Variants in IPCEF1 observed in about 807,000 individuals in gnomAD.
The protein encoded by IPCEF1 is interactor protein for cytohesin exchange factors 1.
IPCEF1 carries 31 observed loss-of-function variants against 50.9 expected under a neutral mutation model. The ratio of observed to expected loss-of-function variants is 0.61; its 90% CI spans 0.46 to 0.82. IPCEF1 has a LOEUF of 0.82. IPCEF1 is among the 40% of genes least tolerant of loss of function. IPCEF1 has a pLI of 0.00. For missense variants in IPCEF1, 458 were observed against 514.0 expected, an observed-to-expected ratio of 0.89 and a Z score of 1.05; for synonymous variants, 181 against 192.0, an observed-to-expected ratio of 0.94 and a Z score of 0.47.
intron 2 of IPCEF1, among the ~76,000 whole-genome samples, chr6:154,280,978 T>C (rs1336857099): frequency 6.6e-6 from 1 of 152,002 alleles, no homozygotes. Context: ...AGCGGAATGA[T>C]TGTTTGAGGC....
In IPCEF1 at chr6:154,265,709, A is replaced by G. The variant is rs904507915; in HGVS notation, c.36+203T>C. Among the ~76,000 whole-genome samples the G allele has an allele frequency of 3.3e-5, 5 of 152,308 alleles. 1 individual carries two copies. The highest frequency in any genetic ancestry group is 1.3e-4 in the Admixed American group (2 of 15,298). On this transcript the variant is annotated intron_variant, in intron 3 of 11. Coordinates refer to ENST00000367220, the MANE Select transcript of IPCEF1 (RefSeq NM_001130700.2). ...TATTAAAACCATGGTATGCAGCTTA[A>G]ACTTTAAAAGTAAAAATCTAGAGGT...
At chr6:154,339,683 G>A (rs1783863317) in intron 1 of IPCEF1, among the ~76,000 whole-genome samples, 2 of 152,104 alleles carry the variant, frequency 1.3e-5, no homozygotes, top group South Asian at 2.1e-4. Flanking sequence ...TCAAACTCCT[G>A]GGATCAAGTG....
intron 2 of IPCEF1, among the ~76,000 whole-genome samples, chr6:154,266,938 A>T (rs946689505): frequency 9.2e-5 from 14 of 152,182 alleles, no homozygotes; most frequent in Admixed American, 5.2e-4. Context: ...ACTTCATCCC[A>T]GTGACACCAC....
intron 9 of IPCEF1, among the ~76,000 whole-genome samples, chr6:154,206,691 T>C (rs772092258): frequency 6.6e-6 from 1 of 152,184 alleles, no homozygotes; most frequent in Non-Finnish European, 1.5e-5. Context: ...GGACTAGAGA[T>C]GTTCTCATGA....
In IPCEF1 at chr6:154,201,846, G is replaced by C. The variant is rs548785476; in HGVS notation, c.538-1806C>G. On this transcript the variant is annotated intron_variant, in intron 9 of 11. Coordinates refer to ENST00000367220, the MANE Select transcript of IPCEF1 (RefSeq NM_001130700.2). The stretch of plus-strand genomic sequence containing the variant: ...AGAAGCGGAAGTTGCAGTGAGCCAA[G>C]ATCACATGATTGTACTCCAGCCTGG... Among the ~76,000 whole-genome samples the C allele has an allele frequency of 1.2e-3, 178 of 152,310 alleles. 1 individual carries two copies. Among genetic ancestry groups the C allele is most frequent in the Admixed American group, 3.4e-3 (52 of 15,310 alleles).
intron 1 of IPCEF1, among the ~76,000 whole-genome samples, chr6:154,324,741 G>C (rs1331788692): frequency 6.6e-6 from 1 of 152,182 alleles, no homozygotes; most frequent in African/African-American, 2.4e-5. Flanking sequence ...CCAGGAAGCG[G>C]AAGTTGCAGT....
intron 2 of IPCEF1, among the ~76,000 whole-genome samples, chr6:154,266,720 G>A (rs1402294156): frequency 6.6e-6 from 1 of 151,898 alleles, no homozygotes; most frequent in East Asian, 1.9e-4. Context: ...CCCTGCCTCT[G>A]AAGTCCCAAA....
intron 10 of IPCEF1, among the ~76,000 whole-genome samples, chr6:154,198,958 A>AGG (rs1776852222): frequency 6.6e-6 from 1 of 152,230 alleles, no homozygotes; most frequent in South Asian, 2.1e-4. Flanking sequence ...ATAGCGCACA[A>AGG]TCAGAAAAGA....
At chr6:154,326,224 A>T (rs969004424) in intron 1 of IPCEF1, among the ~76,000 whole-genome samples, 2 of 150,342 alleles carry the variant, frequency 1.3e-5, no homozygotes, top group African/African-American at 4.9e-5. Flanking sequence ...CTTGTCTCAA[A>T]AAAAAAAAAA....
chr6:154,307,982 A>G (rs941384573), intron 1 of IPCEF1, among the ~76,000 whole-genome samples: 2 of 152,218 alleles, frequency 1.3e-5, no homozygotes, highest in South Asian at 2.1e-4. Context: ...AAAAGAAGAA[A>G]GGTAAGGGGT....
chr6:154,221,869 G>A lies in IPCEF1; in HGVS notation c.321-541C>T, dbSNP rs558923737. Among the ~76,000 whole-genome samples the A allele has an allele frequency of 5.3e-5, 8 of 152,172 alleles. No homozygotes were observed. The East Asian group carries it at 1.2e-3, about 22-fold the overall frequency. ...AGTCTGGGTGACAGAGGAAGACTCCGTCTCAAAAAACAAATAAATAAATAA... is the reference window on the plus strand; with the variant it reads ...AGTCTGGGTGACAGAGGAAGACTCCATCTCAAAAAACAAATAAATAAATAA... On this transcript the variant is annotated intron_variant, in intron 6 of 11. Transcript: ENST00000367220.
chr6:154,257,678 T>G lies in IPCEF1; in HGVS notation c.36+8234A>C, dbSNP rs550276704. 1.8e-3 allele frequency among the ~76,000 whole-genome samples: 274 copies of G among 151,556 alleles called. 2 individuals carry two copies. The highest frequency in any genetic ancestry group is 6.2e-3 in the African/African-American group (257 of 41,416). ...CAAAACTTTTTGCTTTTTTGTTTTGTTTTGGTTTTGGGTTTTGTTTGTTTG... is the reference window on the plus strand; with the variant it reads ...CAAAACTTTTTGCTTTTTTGTTTTGGTTTGGTTTTGGGTTTTGTTTGTTTG... On this transcript the variant is annotated intron_variant, in intron 3 of 11. Coordinates refer to ENST00000367220, the MANE Select transcript of IPCEF1 (RefSeq NM_001130700.2).
intron 1 of IPCEF1, among the ~76,000 whole-genome samples, chr6:154,325,772 G>A (rs553524829): frequency 4.6e-5 from 7 of 151,872 alleles, no homozygotes; most frequent in East Asian, 3.9e-4. Context: ...GCTTTTTGAC[G>A]GTGAATATAT....
At chr6:154,292,418 A>C (rs1204056133) in intron 1 of IPCEF1, among the ~76,000 whole-genome samples, 1 of 152,204 alleles carries the variant, frequency 6.6e-6, no homozygotes, top group Non-Finnish European at 1.5e-5. Context: ...TTTGATATGG[A>C]TTAATTTATG....
chr6:154,167,411 G>C (rs188274519), intron 11 of IPCEF1, among the ~76,000 whole-genome samples: 132 of 152,218 alleles, frequency 8.7e-4, no homozygotes, highest in African/African-American at 3.0e-3. Flanking sequence ...GGTGCTCCTT[G>C]GCTGCAGTGC....
rs987473975 is a variant in IPCEF1, at chr6:154,160,001, C to A, written c.1144G>T (p.Asp382Tyr). The change falls in exon 12 of 12, where the codon GAT (aspartate) becomes TAT (tyrosine). Residue 382 changes from aspartate (D) to tyrosine (Y), a missense_variant. Physicochemically the swap from Asp to Tyr is radical, Grantham distance 160. Coordinates refer to ENST00000367220, the MANE Select transcript of IPCEF1 (RefSeq NM_001130700.2). ...HDLAMINQLL[D>Y]DPKLTARKYR... The stretch of plus-strand genomic sequence containing the variant: ...TTCCTGGCTGTCAGCTTCGGGTCAT[C>A]CAGCAACTGGTTAATCATGGCCAGA... 1 of 1,612,420 alleles carries A rather than the reference C, an allele frequency of 6.2e-7. No homozygotes were observed. Among genetic ancestry groups the A allele is most frequent in the African/African-American group, 1.3e-5 (1 of 74,946 alleles).
At chr6:154,258,308 T>G (rs2128649809) in intron 3 of IPCEF1, among the ~76,000 whole-genome samples, 1 of 152,316 alleles carries the variant, frequency 6.6e-6, no homozygotes, top group South Asian at 2.1e-4. Context: ...TTCAGCTTGG[T>G]GTGGTTAAGA....
chr6:154,183,885 G>A (rs1294006805), intron 10 of IPCEF1, among the ~76,000 whole-genome samples: 2 of 151,592 alleles, frequency 1.3e-5, no homozygotes, highest in African/African-American at 4.8e-5. Context: ...ATAAGACCCT[G>A]TATCAAAAAC....
At chr6:154,354,996 TCACACA>T (rs56281024) in intron 1 of IPCEF1, among the ~76,000 whole-genome samples, 7,052 of 147,328 alleles carry the variant, frequency 0.048, 193 homozygotes, top group Middle Eastern at 0.099. Context: ...GGATTTTTCT[TCACACA>T]CACACACACA....
Sources: allele counts gnomAD v4.1 joint callset (sites outside exome capture counted in the v4.1 genomes callset), GRCh38; gene constraint gnomAD v4.1.1; transcripts MANE v1.5; gene names NCBI Gene and HGNC (gene_info 2026-07-23, HGNC 2026-07-21).